Variants in RALGAPA2 observed in about 807,000 individuals in gnomAD.
The protein encoded by RALGAPA2 is ral GTPase-activating protein subunit alpha-2.
A neutral mutation model predicts 230.4 loss-of-function variants in RALGAPA2; 139 were observed. That is an observed-to-expected ratio of 0.60 (90% CI 0.53 to 0.69). The LOEUF is 0.69. Ranked by LOEUF, RALGAPA2 falls within the 30% of genes least tolerant of loss-of-function variation. The probability of loss-of-function intolerance (pLI) is 0.00; values close to 1 mark genes in which losing one functional copy is unlikely to be tolerated. For missense variants in RALGAPA2, 2,163 were observed against 2,276.0 expected (o/e 0.95, Z 1.01); for synonymous variants, 847 against 837.8 (o/e 1.01, Z -0.19).
At position 20,712,278 on chromosome 20, in the gene RALGAPA2, CCAGCCT is replaced by C; in HGVS notation, c.106+91_106+96del. ...GTCGGACGCCCACCCATCCCCCTCC[CCAGCCT>C]CCCAGCCACCGACCCCTGCACAGAG... On this transcript the variant is annotated intron_variant, in intron 1 of 39. Coordinates refer to ENST00000202677, the MANE Select transcript of RALGAPA2 (RefSeq NM_020343.4). The surrounding 1 kb of genome is among the most constrained non-coding windows in gnomAD (Gnocchi z 5.5). The C allele has an allele frequency of 8.8e-7, 1 of 1,132,232 alleles. No individual in the cohort carries two copies. Among genetic ancestry groups the C allele is most frequent in the Non-Finnish European group, 1.2e-6 (1 of 827,728 alleles). The allele number at this position is 1,132,232 out of a possible 1,614,324, so 70.1% of individuals were successfully genotyped here.
chr20:20,592,360 G>C (rs1468874043), intron 16 of RALGAPA2, among the ~76,000 whole-genome samples: 1 of 152,080 alleles, frequency 6.6e-6, no homozygotes, highest in Non-Finnish European at 1.5e-5. Context: ...TTAGTCTCCA[G>C]TAGTACTAAC....
At chr20:20,505,883 G>T (rs1490125576) in intron 33 of RALGAPA2, among the ~76,000 whole-genome samples, 1 of 152,146 alleles carries the variant, frequency 6.6e-6, no homozygotes, top group Non-Finnish European at 1.5e-5. Context: ...GAAGGCTGGG[G>T]CACACCATTT....
chr20:20,505,306 T>C (rs2062499602), intron 34 of RALGAPA2, 105 bp downstream of exon 34: 2 of 1,289,434 alleles, frequency 1.6e-6, no homozygotes, highest in African/African-American at 3.1e-5. Flanking sequence ...CTATCTATGC[T>C]ATATTTGAAT....
At chr20:20,678,294 A>C (rs996039851) in intron 2 of RALGAPA2, among the ~76,000 whole-genome samples, 1 of 152,168 alleles carries the variant, frequency 6.6e-6, no homozygotes, top group South Asian at 2.1e-4. Flanking sequence ...TACTAAAAGC[A>C]AAAGACTTCA....
In RALGAPA2 at chr20:20,525,817, A is replaced by G. The variant is rs200528414; in HGVS notation, c.3693+435T>C. Among the ~76,000 whole-genome samples, 8 of 152,268 alleles carry G rather than the reference A, an allele frequency of 5.3e-5. No individual in the cohort carries two copies. In the East Asian group the frequency reaches 1.4e-3, roughly 26 times the overall value. The stretch of plus-strand genomic sequence containing the variant: ...AGGTTATCGTGGTAGCAATCTCATT[A>G]CAGCCGGTAATCATGCTAGGGCAGA... On this transcript the variant is annotated intron_variant, in intron 28 of 39. Coordinates refer to ENST00000202677, the MANE Select transcript of RALGAPA2 (RefSeq NM_020343.4).
Position 20,572,939 on chromosome 20 carries a change from T to C in RALGAPA2, c.2837A>G (p.Gln946Arg), listed in dbSNP as rs997780713. Residue 946 changes from glutamine to arginine, a missense_variant, in exon 21 of 40, where the codon CAG becomes CGG. Coordinates refer to ENST00000202677, the MANE Select transcript of RALGAPA2 (RefSeq NM_020343.4). ...AACTCTGGCATGGATCTTGGGTGACTGGATGTTATTCACATCTCCGAGGAT... is the reference window on the plus strand; with the variant it reads ...AACTCTGGCATGGATCTTGGGTGACCGGATGTTATTCACATCTCCGAGGAT... ...LGILGDVNNIQSPKIHARVFC... is the reference protein window; with the variant it reads ...LGILGDVNNIRSPKIHARVFC... The C allele has an allele frequency of 1.6e-5, 25 of 1,580,136 alleles. No individual in the cohort carries two copies. The highest frequency in any genetic ancestry group is 1.8e-5 in the Admixed American group (1 of 55,130).
intron 1 of RALGAPA2, among the ~76,000 whole-genome samples, chr20:20,697,586 T>C (rs2069168364): frequency 6.6e-6 from 1 of 152,114 alleles, no homozygotes; most frequent in Non-Finnish European, 1.5e-5. Flanking sequence ...GTTCTATCTC[T>C]AGGAACAGGA....
At chr20:20,631,068 G>C (rs550948744) in intron 9 of RALGAPA2, among the ~76,000 whole-genome samples, 109 of 152,290 alleles carry the variant, frequency 7.2e-4, no homozygotes, top group South Asian at 2.3e-3. Context: ...TAGAGTGGAA[G>C]AGACCTAGCC....
chr20:20,549,491 G>A (rs1212302725), intron 23 of RALGAPA2, among the ~76,000 whole-genome samples: 2 of 152,080 alleles, frequency 1.3e-5, no homozygotes, highest in Non-Finnish European at 2.9e-5. Flanking sequence ...AGGAGACACA[G>A]CGCCTGTGTG....
chr20:20,608,592 C>CA lies in RALGAPA2; in HGVS notation c.1800+2722dup, dbSNP rs367574012. 2.7e-4 allele frequency among the ~76,000 whole-genome samples: 41 copies of CA among 150,846 alleles called. No homozygotes were observed. The South Asian group carries it at 4.2e-3, about 15-fold the overall frequency. On this transcript the variant is annotated intron_variant, in intron 14 of 39. Transcript: ENST00000202677. ...AACAGTCTCCTTGTTCTCAATTTTT[C>CA]AAAAAAAAATCAAGTGTCTAGCCAT...
chr20:20,502,428 C>T (rs2062404807), intron 35 of RALGAPA2, among the ~76,000 whole-genome samples: 2 of 152,184 alleles, frequency 1.3e-5, no homozygotes, highest in Admixed American at 1.3e-4. Context: ...AGGCACCGTG[C>T]TAAGCAATTT....
At chr20:20,484,872 A>G (rs1021703388) in intron 36 of RALGAPA2, among the ~76,000 whole-genome samples, 9 of 152,256 alleles carry the variant, frequency 5.9e-5, no homozygotes, top group South Asian at 4.1e-4. Flanking sequence ...CAACAACCCC[A>G]TGAGGCCAGC....
At chr20:20,490,615 AG>A (rs2062025248) in intron 36 of RALGAPA2, among the ~76,000 whole-genome samples, 1 of 152,232 alleles carries the variant, frequency 6.6e-6, no homozygotes, top group South Asian at 2.1e-4. Flanking sequence ...TAAAATGAAA[AG>A]AAAGAAATTT....
chr20:20,562,678 T>TA (rs1197728584), intron 23 of RALGAPA2, among the ~76,000 whole-genome samples: 2 of 152,346 alleles, frequency 1.3e-5, no homozygotes, highest in East Asian at 3.9e-4. Context: ...GCTATCATCT[T>TA]ACACTTTTTA....
chr20:20,530,585 A>AG, intron 27 of RALGAPA2, among the ~76,000 whole-genome samples: 1 of 152,200 alleles, frequency 6.6e-6, no homozygotes, highest in Non-Finnish European at 1.5e-5. Context: ...GATAATGCAC[A>AG]AAGGGTGGTA....
rs935806920 is a variant in RALGAPA2, at chr20:20,496,091, C to T, written c.5209-816G>A. Among the ~76,000 whole-genome samples the T allele has an allele frequency of 5.8e-4, 88 of 152,158 alleles. 2 individuals are homozygous for T. The highest frequency in any genetic ancestry group is 1.3e-4 in the Non-Finnish European group (9 of 68,032). On this transcript the variant is annotated intron_variant, in intron 35 of 39. Transcript: ENST00000202677. ...CAGGGCCATTTCCACTGTTTCAAAG[C>T]TACCTAAGCCTGCACCCAAAGTTAC...
At chr20:20,554,127 C>T (rs1037691200) in intron 23 of RALGAPA2, among the ~76,000 whole-genome samples, 1 of 152,098 alleles carries the variant, frequency 6.6e-6, no homozygotes, top group Non-Finnish European at 1.5e-5. Flanking sequence ...CAAAATGAAG[C>T]CTATACCAAA....
intron 37 of RALGAPA2, among the ~76,000 whole-genome samples, chr20:20,414,438 TA>T (rs370525722): frequency 2.6e-5 from 4 of 152,284 alleles, no homozygotes; most frequent in African/African-American, 9.6e-5. Context: ...GGAAGCCACG[TA>T]TCTGGAAAGT....
At chr20:20,577,461 G>A (rs2145971301) in intron 20 of RALGAPA2, among the ~76,000 whole-genome samples, 1 of 152,288 alleles carries the variant, frequency 6.6e-6, no homozygotes, top group East Asian at 1.9e-4. Flanking sequence ...GTTCCCACAA[G>A]AGTATCATAT....
Sources: allele counts gnomAD v4.1 joint callset (sites outside exome capture counted in the v4.1 genomes callset), GRCh38; gene constraint gnomAD v4.1.1; non-coding constraint Gnocchi (gnomAD v3.1); transcripts MANE v1.5; gene names NCBI Gene and HGNC (gene_info 2026-07-23, HGNC 2026-07-21).